Variants in MAGI2 observed in about 807,000 individuals in gnomAD.
The protein encoded by MAGI2 is membrane-associated guanylate kinase, WW and PDZ domain-containing protein 2.
MAGI2 carries 35 observed loss-of-function variants against 133.3 expected under a neutral mutation model. The observed-to-expected ratio is 0.26, with a 90% CI of 0.20 to 0.35. The LOEUF is 0.35. Among genes scored for constraint, MAGI2 ranks in the 10% least tolerant of loss-of-function variants. MAGI2 has a pLI of 1.00. For missense variants in MAGI2, 1,636 were observed against 1,863.4 expected (o/e 0.88, Z 2.25); for synonymous variants, 729 against 710.6 (o/e 1.03, Z -0.41).
At chr7:78,279,043 C>G (rs1795308892) in intron 9 of MAGI2, among the ~76,000 whole-genome samples, 1 of 152,086 alleles carries the variant, frequency 6.6e-6, no homozygotes, top group Admixed American at 6.6e-5. Context: ...GGATATGTGA[C>G]AGGGGATGTG....
chr7:78,181,173 G>A (rs761840574), intron 13 of MAGI2, among the ~76,000 whole-genome samples: 17 of 152,062 alleles, frequency 1.1e-4, no homozygotes, highest in Non-Finnish European at 1.8e-4. Context: ...ATCAGGTTTT[G>A]TCTCTTTCCT....
At chr7:79,302,583 CT>C (rs59929004) in intron 1 of MAGI2, among the ~76,000 whole-genome samples, 145,035 of 152,168 alleles carry the variant, frequency 0.95, 69,227 homozygotes, top group Non-Finnish European at 0.98. Flanking sequence ...CTAAATATTG[CT>C]TTTTCTCAGT....
chr7:78,247,108 C>T (rs568291569), intron 10 of MAGI2, among the ~76,000 whole-genome samples: 1 of 152,140 alleles, frequency 6.6e-6, no homozygotes, highest in African/African-American at 2.4e-5. Flanking sequence ...TATGCTGCAG[C>T]TGCATATTGA....
At chr7:78,429,677 G>T (rs79675224) in intron 6 of MAGI2, among the ~76,000 whole-genome samples, 152 of 151,846 alleles carry the variant, frequency 1.0e-3, no homozygotes, top group African/African-American at 3.6e-3. Context: ...AAAAAAGAAG[G>T]CTTTTTCTTT....
intron 2 of MAGI2, among the ~76,000 whole-genome samples, chr7:78,958,652 T>A (rs910502264): frequency 2.6e-5 from 4 of 152,118 alleles, no homozygotes; most frequent in Admixed American, 6.5e-5. Context: ...GAACATGCGG[T>A]TCATGTGTGT....
intron 6 of MAGI2, among the ~76,000 whole-genome samples, chr7:78,425,531 A>G: frequency 6.6e-6 from 1 of 152,212 alleles, no homozygotes; most frequent in East Asian, 1.9e-4. Flanking sequence ...AGACATCTGT[A>G]TGTGCTCACT....
At chr7:78,119,584 GA>G (rs1380805252) in intron 20 of MAGI2, among the ~76,000 whole-genome samples, 1 of 94,184 alleles carries the variant, frequency 1.1e-5, no homozygotes, top group African/African-American at 4.0e-5. Context: ...AAAAAAAAAA[GA>G]ATGTACAACA....
At chr7:78,792,067 T>C (rs910784321) in intron 2 of MAGI2, among the ~76,000 whole-genome samples, 2 of 152,162 alleles carry the variant, frequency 1.3e-5, no homozygotes, top group Admixed American at 1.3e-4. Flanking sequence ...TATGGTAAAA[T>C]TAGTCATTAG....
chr7:78,871,910 A>G (rs998136348), intron 2 of MAGI2, among the ~76,000 whole-genome samples: 1 of 152,112 alleles, frequency 6.6e-6, no homozygotes, highest in Admixed American at 6.5e-5. Flanking sequence ...TAACCAACAT[A>G]TATTCACATA....
At chr7:79,341,400 TA>T (rs143117898) in intron 1 of MAGI2, among the ~76,000 whole-genome samples, 20 of 150,736 alleles carry the variant, frequency 1.3e-4, no homozygotes, top group Middle Eastern at 3.4e-3. Flanking sequence ...TGTGTTTATT[TA>T]AAAAAAAAAC....
chr7:79,344,651 A>C (rs1841174148), intron 1 of MAGI2, among the ~76,000 whole-genome samples: 1 of 152,228 alleles, frequency 6.6e-6, no homozygotes, highest in Non-Finnish European at 1.5e-5. Context: ...GGATTTGTAC[A>C]TGCGACAGTT....
intron 1 of MAGI2, among the ~76,000 whole-genome samples, chr7:79,150,474 A>G: frequency 6.6e-6 from 1 of 152,356 alleles, no homozygotes; most frequent in Non-Finnish European, 1.5e-5. Flanking sequence ...CCTAAAATAA[A>G]TCTGAAGTTA....
Position 78,160,215 on chromosome 7 carries a change from A to G in MAGI2, c.2655T>C (p.Ser885=). 6.2e-7 allele frequency: 1 copy of G among 1,612,362 alleles called. No individual in the cohort carries two copies. Residue 885 remains serine (S), a synonymous_variant, in exon 16 of 22, where the codon TCT becomes TCC. Coordinates refer to ENST00000354212, the MANE Select transcript of MAGI2 (RefSeq NM_012301.4). ...TGTAGGTTGCGTAGTCACTGCGTGG[A>G]GAGCTGTGGTGGGTGGATACAGAGC... ...SPGSVSTHHS[S]PRSDYATYTN... is the part of the protein sequence containing the mutation.
At chr7:78,436,750 G>C (rs558521669) in intron 6 of MAGI2, among the ~76,000 whole-genome samples, 2 of 152,246 alleles carry the variant, frequency 1.3e-5, no homozygotes, top group East Asian at 1.9e-4. Context: ...GTGAGCCTAA[G>C]ACATTCCCCT....
chr7:78,474,066 C>T (rs939621583), intron 6 of MAGI2, among the ~76,000 whole-genome samples: 4 of 152,014 alleles, frequency 2.6e-5, no homozygotes, highest in South Asian at 2.1e-4. Context: ...CCCACAATAA[C>T]AACATTAACC....
intron 2 of MAGI2, among the ~76,000 whole-genome samples, chr7:78,773,754 A>T (rs10244070): frequency 2.0e-5 from 3 of 152,078 alleles, no homozygotes; most frequent in African/African-American, 7.2e-5. Context: ...AGGCAGAGAC[A>T]CAAAGAACAC....
At chr7:78,250,033 G>GCAA (rs10669126) in intron 10 of MAGI2, among the ~76,000 whole-genome samples, 101,275 of 151,386 alleles carry the variant, frequency 0.67, 34,164 homozygotes, top group East Asian at 0.81. Flanking sequence ...AAGCCTGAAA[G>GCAA]CAACAATATC....
intron 1 of MAGI2, among the ~76,000 whole-genome samples, chr7:79,270,068 C>T (rs1387544179): frequency 1.3e-5 from 2 of 152,122 alleles, no homozygotes; most frequent in Admixed American, 1.3e-4. Context: ...CTGACCCCAC[C>T]TGGGCCTATG....
At chr7:78,922,794 T>A (rs1799366742) in intron 2 of MAGI2, among the ~76,000 whole-genome samples, 1 of 150,740 alleles carries the variant, frequency 6.6e-6, no homozygotes, top group South Asian at 2.1e-4. Flanking sequence ...GTTGAACTAG[T>A]CTACAGTCCC....
Sources: allele counts gnomAD v4.1 joint callset (sites outside exome capture counted in the v4.1 genomes callset), GRCh38; gene constraint gnomAD v4.1.1; transcripts MANE v1.5; gene names NCBI Gene and HGNC (gene_info 2026-07-23, HGNC 2026-07-21).